The following ASMT variants were observed in gnomAD, a reference collection of about 807,000 sequenced individuals.
The protein encoded by ASMT is acetylserotonin O-methyltransferase.
In ASMT, 53 loss-of-function variants were observed where a neutral mutation model predicts 41.3. The ratio of observed to expected loss-of-function variants is 1.28; its 90% confidence interval spans 1.03 to 1.61. The LOEUF (loss-of-function observed/expected upper bound fraction) is 1.61, where lower values mean the gene tolerates loss of function less well. Among genes scored for constraint, ASMT ranks in the 40% most tolerant of loss-of-function variants. ASMT has a pLI of 0.00. For missense variants in ASMT, 531 were observed against 441.3 expected (o/e 1.20, Z -1.82); for synonymous variants, 231 against 184.8 (o/e 1.25, Z -2.03).
At chrX:1,625,267 A>G (rs766125176) in intron 3 of ASMT, among the ~76,000 whole-genome samples, 1,675 of 151,004 alleles carry the variant, frequency 0.011, 24 homozygotes, top group African/African-American at 0.039. Context: ...ACCACACCCG[A>G]CTAATTTTTT....
chrX:1,636,722 C>G (rs1367949935), intron 8 of ASMT, 162 bp downstream of exon 8: 4 of 514,534 alleles, frequency 7.8e-6, no homozygotes, highest in Non-Finnish European at 1.0e-5. Flanking sequence ...AAATAGGGTC[C>G]TAATTTCTAT....
chrX:1,626,181 T>C (rs1473975137), intron 3 of ASMT, among the ~76,000 whole-genome samples: 1 of 151,490 alleles, frequency 6.6e-6, no homozygotes, highest in Non-Finnish European at 1.5e-5. Flanking sequence ...TTTACAGGAG[T>C]ATTTCAAGCT....
At chrX:1,624,050 G>A (rs1362787447) in intron 2 of ASMT, among the ~76,000 whole-genome samples, 1 of 152,010 alleles carries the variant, frequency 6.6e-6, no homozygotes, top group African/African-American at 2.4e-5. Context: ...ATGGGGATTT[G>A]TACAAACCGA....
intron 8 of ASMT, among the ~76,000 whole-genome samples, chrX:1,636,948 T>A (rs1934996813): frequency 1.1e-5 from 1 of 91,326 alleles, no homozygotes; most frequent in Admixed American, 1.0e-4. Context: ...AGCTCTCCTG[T>A]GAGGTCCATC....
At chrX:1,626,180 G>GT (rs1569374969) in intron 3 of ASMT, among the ~76,000 whole-genome samples, 1 of 150,912 alleles carries the variant, frequency 6.6e-6, no homozygotes, top group Non-Finnish European at 1.5e-5. Context: ...CTTTACAGGA[G>GT]TATTTCAAGC....
At chrX:1,641,546 G>A (rs1935166102) in intron 8 of ASMT, among the ~76,000 whole-genome samples, 2 of 144,110 alleles carry the variant, frequency 1.4e-5, no homozygotes, top group Non-Finnish European at 3.0e-5. Context: ...CAGTGTCCCA[G>A]TTCTCCTGTG....
intron 4 of ASMT, among the ~76,000 whole-genome samples, chrX:1,628,822 T>C (rs1293468764): frequency 8.9e-5 from 6 of 67,224 alleles, no homozygotes; most frequent in Admixed American, 4.3e-4. Context: ...CCTTCTCCTC[T>C]CCCGTCTTCT....
Position 1,625,286 on chromosome X carries a change from G to T in ASMT, c.374+888G>T, listed in dbSNP as rs1452395393. ...CACCCGACTAATTTTTTGTGTTTTT[G>T]GTAGAGACGGGGTTTCACCATGTTA... On this transcript the variant is annotated intron_variant, in intron 3 of 8. Coordinates refer to ENST00000381241, the MANE Select transcript of ASMT (RefSeq NM_001171038.2). Among the ~76,000 whole-genome samples the T allele has an allele frequency of 2.0e-5, 3 of 151,160 alleles. No individual in the cohort carries two copies. In the East Asian group the frequency reaches 6.0e-4, roughly 30 times the overall value.
chrX:1,619,892 C>T (rs1275504224), intron 1 of ASMT, among the ~76,000 whole-genome samples: 1 of 150,418 alleles, frequency 6.6e-6, no homozygotes, highest in African/African-American at 2.4e-5. Flanking sequence ...GAGATTGAGA[C>T]CATCCTGGCT....
intron 1 of ASMT, among the ~76,000 whole-genome samples, chrX:1,616,847 T>G (rs1333020768): frequency 2.0e-5 from 3 of 151,592 alleles, no homozygotes; most frequent in African/African-American, 4.8e-5. Flanking sequence ...TAGCTGGGAT[T>G]ACAGGCACCC....
At position 1,623,137 on chromosome X, in the gene ASMT, A is replaced by G. The variant is rs757483570; in HGVS notation, c.70-2A>G. 2 of 1,612,338 alleles carry G rather than the reference A, an allele frequency of 1.2e-6. No homozygotes were observed. The highest frequency in any genetic ancestry group is 2.2e-5 in the South Asian group (2 of 90,996). ...ACCTTTTATTTCCGCTCCTGCTCCA[A>G]GGTTCTCTTCGCCGCCTGCGAGCTG... On this transcript the variant is annotated splice_acceptor_variant, in intron 1 of 8. Coordinates refer to ENST00000381241, the MANE Select transcript of ASMT (RefSeq NM_001171038.2). LOFTEE classifies it high-confidence loss of function.
chrX:1,619,198 A>T (rs1934245608), intron 1 of ASMT, among the ~76,000 whole-genome samples: 1 of 152,066 alleles, frequency 6.6e-6, no homozygotes, highest in East Asian at 1.9e-4. Context: ...GTTCGAGACC[A>T]GCCTGGCCAA....
Position 1,629,942 on chromosome X carries a change from A to C in ASMT, c.562+3A>C, listed in dbSNP as rs375922106. ...CCCACTTATGTGTGACCTTGGTGGTAAGTACCCCTCACCACTAATACCTCG... is the reference window on the plus strand; with the variant it reads ...CCCACTTATGTGTGACCTTGGTGGTCAGTACCCCTCACCACTAATACCTCG... On this transcript the variant is annotated splice_donor_region_variant and intron_variant, in intron 5 of 8. Transcript: ENST00000381241. 2 of 1,610,652 alleles carry C rather than the reference A, an allele frequency of 1.2e-6. No homozygotes were observed. Among genetic ancestry groups the C allele is most frequent in the Non-Finnish European group, 1.7e-6 (2 of 1,176,910 alleles).
chrX:1,619,770 A>C (rs142240509), intron 1 of ASMT, among the ~76,000 whole-genome samples: 2,045 of 151,902 alleles, frequency 0.013, 23 homozygotes, highest in Middle Eastern at 0.054. Flanking sequence ...ACTTTAATGA[A>C]TAAAACAAAA....
At chrX:1,628,346 A>G (rs1428865732) in intron 4 of ASMT, among the ~76,000 whole-genome samples, 1 of 152,150 alleles carries the variant, frequency 6.6e-6, no homozygotes, top group African/African-American at 2.4e-5. Flanking sequence ...AAGAATATAG[A>G]GGCCCAGTTT....
In ASMT at chrX:1,642,904, C is replaced by T. The variant is rs1470944588; in HGVS notation, c.1012C>T (p.Gln338Ter). 1.9e-6 allele frequency: 3 copies of T among 1,613,850 alleles called. No homozygotes were observed. The African/African-American group carries it at 4.0e-5, about 22-fold the overall frequency. The stretch of plus-strand genomic sequence containing the variant: ...GAACATGCTTGTGCAGACGGAAGGG[C>T]AGGAGAGGACCCCCACCCACTACCA... ...SLNMLVQTEG[Q>*]ERTPTHYHML... The change falls in exon 9 of 9, where the codon CAG becomes TAG. Residue 338 changes from glutamine (Q) to a stop codon, truncating the protein, a stop_gained. Transcript: ENST00000381241. LOFTEE classifies it high-confidence loss of function.
At chrX:1,619,421 G>A (rs1934256616) in intron 1 of ASMT, among the ~76,000 whole-genome samples, 1 of 150,490 alleles carries the variant, frequency 6.6e-6, no homozygotes, top group South Asian at 2.1e-4. Context: ...GTGGGGGCTG[G>A]GGAGGGAGAG....
chrX:1,631,136 G>C lies in ASMT; in HGVS notation c.562+1197G>C, dbSNP rs1300913869. 4.6e-5 allele frequency among the ~76,000 whole-genome samples: 7 copies of C among 151,046 alleles called. 1 individual carries two copies. The highest frequency in any genetic ancestry group is 1.2e-4 in the African/African-American group (5 of 41,100). ...TCTCCGTGTTAGCCAGGATGGTCTC[G>C]ATCTCCTGACCTCGTGATCCACCCG... On this transcript the variant is annotated intron_variant, in intron 5 of 8. Coordinates refer to ENST00000381241, the MANE Select transcript of ASMT (RefSeq NM_001171038.2).
chrX:1,629,746 G>A (rs777915732), intron 4 of ASMT, 75 bp from the exon 5 acceptor site: 11 of 1,343,610 alleles, frequency 8.2e-6, no homozygotes, highest in Admixed American at 1.7e-5. Flanking sequence ...TTCTCAACAG[G>A]GGGTTATGTA....
Sources: gnomAD v4.1 joint callset for allele counts (sites outside exome capture counted in the v4.1 genomes callset) on GRCh38, gnomAD v4.1.1 for gene constraint, MANE v1.5 for transcripts, NCBI Gene and HGNC (gene_info 2026-07-23, HGNC 2026-07-21) for gene names.